Variants in MOG observed in about 807,000 individuals in gnomAD.
MOG encodes the protein myelin-oligodendrocyte glycoprotein.
Under a neutral mutation model 35.9 loss-of-function variants are expected in MOG, and 20 were observed. That is an observed-to-expected ratio of 0.56 (90% CI 0.39 to 0.81). MOG has a LOEUF of 0.81. Ranked by LOEUF, MOG falls within the 30% of genes least tolerant of loss-of-function variation. MOG has a pLI of 0.00. For missense variants in MOG, 251 were observed against 301.0 expected (o/e 0.83, Z 1.23); for synonymous variants, 92 against 114.3 (o/e 0.80, Z 1.25).
chr6:29,667,761 C>A, intron 4 of MOG, 98 bp downstream of exon 4: 1 of 1,547,370 alleles, frequency 6.5e-7, no homozygotes, highest in Non-Finnish European at 8.9e-7. Flanking sequence ...TCTCAATACC[C>A]TGTTTTCCCC....
intron 2 of MOG, among the ~76,000 whole-genome samples, chr6:29,665,058 AC>A (rs879691425): frequency 6.6e-6 from 1 of 152,050 alleles, no homozygotes; most frequent in Non-Finnish European, 1.5e-5. Context: ...GATTTCTGTG[AC>A]TTTTCTAATG....
chr6:29,660,610 T>C (rs1270169043), intron 2 of MOG, among the ~76,000 whole-genome samples: 1 of 148,244 alleles, frequency 6.7e-6, no homozygotes, highest in Non-Finnish European at 1.5e-5. Context: ...TCCTAGTGAA[T>C]AAGCAAGTAA....
In MOG at chr6:29,670,499, G is replaced by A. The variant is rs1385528587; in HGVS notation, c.709+102G>A. On this transcript the variant is annotated intron_variant, in intron 6 of 7. Coordinates refer to ENST00000376917, the MANE Select transcript of MOG (RefSeq NM_206809.4). This position sits in a 1 kb window ranked among gnomAD's most constrained non-coding sequence, Gnocchi z 4.2. The stretch of plus-strand genomic sequence containing the variant: ...AATAGAACCAGGACTCAAGATTAGG[G>A]GAGCTGGGATTTCCTTATTCCTCTG... The A allele has an allele frequency of 2.0e-6, 3 of 1,495,592 alleles. No individual in the cohort carries two copies. The highest frequency in any genetic ancestry group is 2.8e-6 in the Non-Finnish European group (3 of 1,076,226). 92.6% of individuals were successfully genotyped at this position (1,495,592 alleles called of 1,614,324 possible). A position where few individuals can be genotyped will look rare whatever the true frequency, so the allele number is the denominator to read the frequency against.
chr6:29,659,036 T>TGGGAGGCGGAGGTTGCA (rs1220229232), intron 1 of MOG, among the ~76,000 whole-genome samples: 2 of 151,872 alleles, frequency 1.3e-5, no homozygotes, highest in African/African-American at 2.4e-5. Flanking sequence ...CACTTGAACC[T>TGGGAGGCGGAGGTTGCA]GGGAGGCGGA....
intron 2 of MOG, chr6:29,661,543 G>A (rs531061837): frequency 1.1e-5 from 11 of 985,126 alleles, no homozygotes; most frequent in Non-Finnish European, 1.3e-5. Flanking sequence ...AAGACAAGCC[G>A]GTTGCGGTGG....
chr6:29,670,607 G>A lies in MOG; in HGVS notation c.710-94G>A. 6.3e-7 allele frequency: 1 copy of A among 1,588,188 alleles called. No individual in the cohort carries two copies. The highest frequency in any genetic ancestry group is 8.6e-7 in the Non-Finnish European group (1 of 1,166,946). On this transcript the variant is annotated intron_variant, in intron 6 of 7. Transcript: ENST00000376917. This position sits in a 1 kb window ranked among gnomAD's most constrained non-coding sequence, Gnocchi z 4.2. The stretch of plus-strand genomic sequence containing the variant: ...TCTGTGGGATCCCCCAGTGGAAAGG[G>A]CAGTGTGGGTCACTCCAAATGTCCA...
At chr6:29,669,109 C>T (rs1562205772) in intron 5 of MOG, among the ~76,000 whole-genome samples, 1 of 151,966 alleles carries the variant, frequency 6.6e-6, no homozygotes, top group African/African-American at 2.4e-5. Context: ...TTAGTAGAGA[C>T]TAGGTTTCAC....
In MOG at chr6:29,659,445, C is replaced by A. The variant is rs138169338; in HGVS notation, c.215C>A (p.Pro72His). 0.012 allele frequency: 18,955 copies of A among 1,613,004 alleles called. 478 individuals are homozygous for A. The highest frequency in any genetic ancestry group is 0.08 in the Admixed American group (4,801 of 60,010). ...ATGGAGGTGGGGTGGTACCGCCCCC[C>A]CTTCTCTAGGGTGGTTCATCTCTAC... is the stretch of plus-strand genomic sequence containing the variant. ...TGMEVGWYRP[P>H]FSRVVHLYRN... Residue 72 changes from proline (P) to histidine (H), a missense_variant, in exon 2 of 8, where the codon CCC becomes CAC. By Grantham distance (77) the Pro-to-His change is moderately conservative. Transcript: ENST00000376917.
intron 3 of MOG, among the ~76,000 whole-genome samples, chr6:29,666,650 A>C (rs1262478852): frequency 6.6e-6 from 1 of 152,192 alleles, no homozygotes; most frequent in Admixed American, 6.5e-5. Flanking sequence ...GAAGTCAGAC[A>C]GGTCTAGGCT....
rs890610117 is a variant in MOG, at chr6:29,662,854, G to A, written c.436+3188G>A. ...TGTTTTGTATTTTTTGTAGAGACTG[G>A]GTTTTACCATGTTGATCAGGCTGGT... On this transcript the variant is annotated intron_variant, in intron 2 of 7. Coordinates refer to ENST00000376917, the MANE Select transcript of MOG (RefSeq NM_206809.4). The surrounding 1 kb of genome is among the most constrained non-coding windows in gnomAD (Gnocchi z 4.2). 6.6e-6 allele frequency among the ~76,000 whole-genome samples: 1 copy of A among 151,886 alleles called. No individual in the cohort carries two copies. Among genetic ancestry groups the A allele is most frequent in the African/African-American group, 2.4e-5 (1 of 41,320 alleles).
Position 29,666,255 on chromosome 6 carries a change from C to T in MOG, c.540C>T (p.Tyr180=), listed in dbSNP as rs1246536040. ...GCCTCATCTTCCTCTGCCTGCAGTA[C>T]AGACTGAGAGGTACAGGGCAGAGGG... is the stretch of plus-strand genomic sequence containing the variant. ...TVGLIFLCLQ[Y]RLRGKLRAEI... is the part of the protein sequence containing the mutation. The change falls in exon 3 of 8, where the codon TAC becomes TAT. Residue 180 remains tyrosine (Y), a synonymous_variant. Coordinates refer to ENST00000376917, the MANE Select transcript of MOG (RefSeq NM_206809.4). 2 of 1,599,462 alleles carry T rather than the reference C, an allele frequency of 1.3e-6. No individual in the cohort carries two copies. The highest frequency in any genetic ancestry group is 1.7e-6 in the Non-Finnish European group (2 of 1,167,672).
At chr6:29,658,818 A>G (rs1767775916) in intron 1 of MOG, among the ~76,000 whole-genome samples, 1 of 152,252 alleles carries the variant, frequency 6.6e-6, no homozygotes, top group Non-Finnish European at 1.5e-5. Flanking sequence ...GTTGTTCTCA[A>G]GAAGGAAACT....
chr6:29,666,821 C>T (rs1404984223), intron 3 of MOG, among the ~76,000 whole-genome samples: 1 of 152,182 alleles, frequency 6.6e-6, no homozygotes, highest in Non-Finnish European at 1.5e-5. Flanking sequence ...GCCTTCTCCT[C>T]CTACCAAGTG....
chr6:29,670,686 TC>T lies in MOG; in HGVS notation c.710-14del, dbSNP rs771916956. On this transcript the variant is annotated splice_polypyrimidine_tract_variant and intron_variant, in intron 6 of 7. Coordinates refer to ENST00000376917, the MANE Select transcript of MOG (RefSeq NM_206809.4). The surrounding 1 kb of genome is among the most constrained non-coding windows in gnomAD (Gnocchi z 4.2). Reference sequence around the variant, plus strand: ...ATCTTCCACTAATCACATATTTGTTTCTTTTTGTTTTCAGGGCAATTCCTTG... The same window carrying T: ...ATCTTCCACTAATCACATATTTGTTTTTTTTGTTTTCAGGGCAATTCCTTG... The T allele has an allele frequency of 2.5e-6, 4 of 1,612,216 alleles. No homozygotes were observed. In the East Asian group the frequency reaches 8.9e-5, roughly 36 times the overall value.
chr6:29,659,575 G>T lies in MOG; in HGVS notation c.345G>T (p.Arg115=). ...AGGGAAAGGTGACTCTCAGGATCCG[G>T]AATGTAAGGTTCTCAGATGAAGGAG... ...IGEGKVTLRI[R]NVRFSDEGGF... is the part of the protein sequence containing the mutation. The change falls in exon 2 of 8, where the codon CGG becomes CGT. Residue 115 remains arginine (R), a synonymous_variant. Transcript: ENST00000376917. 1 of 1,613,118 alleles carries T rather than the reference G, an allele frequency of 6.2e-7. No individual in the cohort carries two copies. The highest frequency in any genetic ancestry group is 8.5e-7 in the Non-Finnish European group (1 of 1,180,032).
In MOG at chr6:29,662,418, G is replaced by A. The variant is rs1769021602; in HGVS notation, c.436+2752G>A. ...AGAATCGCTTGAACCGGGAGGCAGA[G>A]GTTGCGGTGAGCCAAGATCGCGCCA... is the stretch of plus-strand genomic sequence containing the variant. On this transcript the variant is annotated intron_variant, in intron 2 of 7. Coordinates refer to ENST00000376917, the MANE Select transcript of MOG (RefSeq NM_206809.4). This position sits in a 1 kb window ranked among gnomAD's most constrained non-coding sequence, Gnocchi z 4.2. Among the ~76,000 whole-genome samples, 1 of 151,994 alleles carries A rather than the reference G, an allele frequency of 6.6e-6. No individual in the cohort carries two copies. Among genetic ancestry groups the A allele is most frequent in the Non-Finnish European group, 1.5e-5 (1 of 67,990 alleles).
intron 2 of MOG, among the ~76,000 whole-genome samples, chr6:29,665,086 G>T (rs1363708844): frequency 1.3e-5 from 2 of 151,134 alleles, no homozygotes; most frequent in African/African-American, 2.4e-5. Flanking sequence ...GAAAATATTT[G>T]TGATTTTTCT....
rs749231725 is a variant in MOG at position 29,657,307 on chromosome 6, GT to G, written c.88+18del. The G allele has an allele frequency of 8.9e-6, 14 of 1,567,582 alleles. No individual in the cohort carries two copies. In the South Asian group the frequency reaches 1.0e-4, roughly 12 times the overall value. On this transcript the variant is annotated intron_variant, in intron 1 of 7. Transcript: ENST00000376917. ...TCTTCCAGCTATGCAGGTAAGACAT[GT>G]TTTTTTTCCTGCCCTGGGGAGACCC...
rs1050549465 is a variant in MOG at position 29,671,513 on chromosome 6, T to G, written c.*328T>G. On this transcript the variant is annotated 3_prime_UTR_variant, in exon 8 of 8. Coordinates refer to ENST00000376917, the MANE Select transcript of MOG (RefSeq NM_206809.4). ...TGTACTGGAGAGCAACACAGGATGGTCTCTGCCATGAACTGGAGGCCAGGA... is the reference window on the plus strand; with the variant it reads ...TGTACTGGAGAGCAACACAGGATGGGCTCTGCCATGAACTGGAGGCCAGGA... 2 of 1,121,314 alleles carry G rather than the reference T, an allele frequency of 1.8e-6. No homozygotes were observed. The highest frequency in any genetic ancestry group is 2.7e-6 in the Non-Finnish European group (2 of 731,900). The allele number at this position is 1,121,314 out of a possible 1,614,324, so 69.5% of individuals were successfully genotyped here.
Sources: gnomAD v4.1 joint callset for allele counts (sites outside exome capture counted in the v4.1 genomes callset) on GRCh38, gnomAD v4.1.1 for gene constraint, Gnocchi (gnomAD v3.1) non-coding constraint, MANE v1.5 for transcripts, NCBI Gene and HGNC (gene_info 2026-07-23, HGNC 2026-07-21) for gene names.